The following SASH1 variants were observed in gnomAD, a reference collection of about 807,000 sequenced individuals.
The protein encoded by SASH1 is SAM and SH3 domain containing 1, also known as SAM and SH3 domain-containing protein 1.
In SASH1, 44 loss-of-function variants were observed where a neutral mutation model predicts 125.2. That is an observed-to-expected ratio of 0.35 (90% CI 0.28 to 0.45). SASH1 has a LOEUF of 0.45. Among genes scored for constraint, SASH1 ranks in the 20% least tolerant of loss-of-function variants. The pLI, the probability that SASH1 is intolerant of heterozygous loss-of-function variation, is 1.00. For synonymous variants in SASH1, 639 were observed against 649.1 expected (o/e 0.98, Z 0.24); for missense variants, 1,426 against 1,614.5 (o/e 0.88, Z 2.00).
chr6:148,325,292 T>C (rs1780767618), intron 1 of SASH1, among the ~76,000 whole-genome samples: 1 of 152,044 alleles, frequency 6.6e-6, no homozygotes, highest in Admixed American at 6.6e-5. Context: ...GTTGTTGTTT[T>C]TGAGACAGAG....
intron 4 of SASH1, among the ~76,000 whole-genome samples, chr6:148,459,188 T>C (rs998538976): frequency 6.6e-6 from 1 of 152,162 alleles, no homozygotes; most frequent in Non-Finnish European, 1.5e-5. Context: ...CAACTTCTTA[T>C]GCAGTTCAGA....
the SASH1 span, among the ~76,000 whole-genome samples, chr6:148,222,539 A>G: frequency 6.6e-6 from 1 of 152,170 alleles, no homozygotes. Flanking sequence ...GAAGTGAACT[A>G]CATAAGCCTC....
intron 2 of SASH1, among the ~76,000 whole-genome samples, chr6:148,415,833 A>G (rs184026923): frequency 1.1e-4 from 16 of 152,376 alleles, no homozygotes; most frequent in African/African-American, 3.6e-4. Context: ...AAGGCAGTCC[A>G]TTAAACCTAC....
intron 1 of SASH1, among the ~76,000 whole-genome samples, chr6:148,272,650 C>T (rs1002420513): frequency 2.6e-5 from 4 of 152,000 alleles, no homozygotes; most frequent in African/African-American, 9.7e-5. Context: ...TTTATTTTCC[C>T]CCAAGACTCT....
intron 2 of SASH1, among the ~76,000 whole-genome samples, chr6:148,414,715 G>T (rs1213710213): frequency 3.3e-5 from 5 of 151,924 alleles, no homozygotes; most frequent in Non-Finnish European, 7.4e-5. Flanking sequence ...GCCCAGGCTG[G>T]AGTGCAGTGA....
At chr6:148,299,453 G>A (rs1779873685) in intron 1 of SASH1, among the ~76,000 whole-genome samples, 1 of 151,998 alleles carries the variant, frequency 6.6e-6, no homozygotes, top group Non-Finnish European at 1.5e-5. Context: ...GATCACTTGT[G>A]GTCAGGAGTT....
intron 8 of SASH1, among the ~76,000 whole-genome samples, chr6:148,488,944 G>C (rs988377559): frequency 2.0e-5 from 3 of 152,254 alleles, no homozygotes; most frequent in Admixed American, 1.3e-4. Flanking sequence ...TCTCTTGATA[G>C]TGTCCTTGAT....
At chr6:148,462,030 C>CT (rs57679608) in intron 4 of SASH1, among the ~76,000 whole-genome samples, 19 of 149,318 alleles carry the variant, frequency 1.3e-4, no homozygotes, top group East Asian at 7.8e-4. Context: ...ATGTGTCAGG[C>CT]TTTTTTTTTT....
At chr6:148,433,748 A>G (rs1321861596) in intron 2 of SASH1, among the ~76,000 whole-genome samples, 1 of 151,954 alleles carries the variant, frequency 6.6e-6, no homozygotes, top group East Asian at 1.9e-4. Flanking sequence ...TAATTGTTAC[A>G]CTTAACTTGG....
upstream of SASH1, among the ~76,000 whole-genome samples, chr6:148,267,833 A>G (rs974329056): frequency 2.6e-5 from 4 of 152,322 alleles, no homozygotes; most frequent in East Asian, 7.7e-4. Flanking sequence ...GGGGGCGTGG[A>G]GTCTATTTTC....
At chr6:148,524,117 A>ATT (rs200904196) in intron 10 of SASH1, among the ~76,000 whole-genome samples, 24 of 95,286 alleles carry the variant, frequency 2.5e-4, no homozygotes, top group African/African-American at 9.2e-4. Flanking sequence ...ATATATATAT[A>ATT]TATATTTTTT....
chr6:148,336,380 G>A (rs1193055933), intron 1 of SASH1, among the ~76,000 whole-genome samples: 1 of 151,818 alleles, frequency 6.6e-6, no homozygotes, highest in Non-Finnish European at 1.5e-5. Flanking sequence ...GTTTTACCAT[G>A]TTGGCCAGGC....
intron 2 of SASH1, among the ~76,000 whole-genome samples, chr6:148,404,293 C>G (rs1784287370): frequency 6.6e-6 from 1 of 152,104 alleles, no homozygotes. Context: ...TTAACAAGTT[C>G]AGACTTCTAA....
chr6:148,380,151 C>G (rs1476653752), intron 1 of SASH1, among the ~76,000 whole-genome samples: 1 of 152,178 alleles, frequency 6.6e-6, no homozygotes, highest in Non-Finnish European at 1.5e-5. Context: ...TGGACTCCTG[C>G]GTCTCACTTA....
chr6:148,346,196 G>C (rs1781514680), intron 1 of SASH1, among the ~76,000 whole-genome samples: 1 of 152,146 alleles, frequency 6.6e-6, no homozygotes, highest in South Asian at 2.1e-4. Context: ...TGTCCCCCAG[G>C]GGATTTTGTT....
At chr6:148,344,764 T>C (rs1050279538) in intron 1 of SASH1, among the ~76,000 whole-genome samples, 3 of 151,482 alleles carry the variant, frequency 2.0e-5, no homozygotes, top group Non-Finnish European at 2.9e-5. Context: ...TCTTTTTTTT[T>C]TTTTTTTTTG....
chr6:148,343,054 C>G lies in SASH1; in HGVS notation c.-14C>G. On this transcript the variant is annotated 5_prime_UTR_variant, in exon 1 of 20. Coordinates refer to ENST00000367467, the MANE Select transcript of SASH1 (RefSeq NM_015278.5). The stretch of plus-strand genomic sequence containing the variant: ...CGGGGACTGGGACGCACGGCCCGCG[C>G]GCGGGACACGGCCATGGAGGACGCG... 7.8e-7 allele frequency: 1 copy of G among 1,283,370 alleles called. No homozygotes were observed. The highest frequency in any genetic ancestry group is 9.8e-7 in the Non-Finnish European group (1 of 1,018,598). 79.5% of individuals were successfully genotyped at this position (1,283,370 alleles called of 1,614,324 possible).
Position 148,544,008 on chromosome 6 carries a change from G to A in SASH1, c.2538G>A (p.Glu846=), listed in dbSNP as rs1782386188. The A allele has an allele frequency of 6.2e-7, 1 of 1,614,140 alleles. No individual in the cohort carries two copies. ...RSHSLDDLQV[E]PGAEQDVPTE... ...ATTCCCTGGATGACCTTCAAGTGGA[G>A]CCTGGTGCTGAGCAAGACGTGCCTA... is the stretch of plus-strand genomic sequence containing the variant. The change falls in exon 18 of 20, where the codon GAG becomes GAA. Residue 846 remains glutamate (E), a synonymous_variant. Coordinates refer to ENST00000367467, the MANE Select transcript of SASH1 (RefSeq NM_015278.5). This position sits in a 1 kb window ranked among gnomAD's most constrained non-coding sequence, Gnocchi z 6.4.
the SASH1 span, among the ~76,000 whole-genome samples, chr6:148,207,100 C>T: frequency 2.0e-5 from 3 of 152,210 alleles, no homozygotes; most frequent in Non-Finnish European, 4.4e-5. Flanking sequence ...ATTGGCAAAG[C>T]ATCCCATTAC....
Sources: allele counts gnomAD v4.1 joint callset (sites outside exome capture counted in the v4.1 genomes callset), GRCh38; gene constraint gnomAD v4.1.1; non-coding constraint Gnocchi (gnomAD v3.1); transcripts MANE v1.5; gene names NCBI Gene and HGNC (gene_info 2026-07-23, HGNC 2026-07-21).